CEP128: variants seen among roughly 807,000 people sequenced by gnomAD.
CEP128 encodes the protein centrosomal protein 128.
A neutral mutation model predicts 156.7 loss-of-function variants in CEP128; 132 were observed. The ratio of observed to expected loss-of-function variants is 0.84; its 90% CI spans 0.73 to 0.97. CEP128 has a LOEUF of 0.97. CEP128 is among the 50% of genes least tolerant of loss of function. The pLI is 0.00. For synonymous variants in CEP128, 469 were observed against 448.9 expected (o/e 1.04, Z -0.57); for missense variants, 1,252 against 1,281.9 (o/e 0.98, Z 0.36).
At chr14:80,653,687 C>T (rs185704765) in intron 19 of CEP128, among the ~76,000 whole-genome samples, 15 of 152,196 alleles carry the variant, frequency 9.9e-5, no homozygotes, top group Admixed American at 8.5e-4. Flanking sequence ...CAAAAATTAT[C>T]GGGCCCTTAA....
At chr14:80,581,396 A>G (rs1205194908) in intron 19 of CEP128, among the ~76,000 whole-genome samples, 2 of 152,208 alleles carry the variant, frequency 1.3e-5, no homozygotes, top group Non-Finnish European at 2.9e-5. Context: ...CAAATGTTTT[A>G]CCAAGTGCTA....
intron 18 of CEP128, among the ~76,000 whole-genome samples, chr14:80,756,030 A>T (rs964890259): frequency 9.9e-5 from 15 of 152,234 alleles, no homozygotes; most frequent in Non-Finnish European, 2.9e-5. Flanking sequence ...CTGTTCAGAA[A>T]TGATAAAGAT....
At chr14:80,955,507 CT>C in intron 2 of CEP128, 2 of 769,152 alleles carry the variant, frequency 2.6e-6, no homozygotes, top group South Asian at 1.6e-5. Context: ...TTAAGTGCCT[CT>C]TTTTCCCCTT....
At chr14:80,560,090 G>A (rs1407974025) in intron 20 of CEP128, among the ~76,000 whole-genome samples, 1 of 152,136 alleles carries the variant, frequency 6.6e-6, no homozygotes, top group Non-Finnish European at 1.5e-5. Context: ...CATCCTTTTT[G>A]AGGTGGACCA....
intron 16 of CEP128, among the ~76,000 whole-genome samples, chr14:80,764,250 G>C (rs1900119744): frequency 6.6e-6 from 1 of 152,118 alleles, no homozygotes; most frequent in Admixed American, 6.5e-5. Flanking sequence ...TGTAATCCCA[G>C]CACTTTGGGA....
intron 8 of CEP128, among the ~76,000 whole-genome samples, chr14:80,887,155 T>C (rs1479281210): frequency 1.3e-5 from 2 of 152,186 alleles, no homozygotes; most frequent in African/African-American, 4.8e-5. Flanking sequence ...ACAAAGAGAC[T>C]TGGATTCCCA....
chr14:80,905,927 T>A, intron 5 of CEP128, 28 bp downstream of exon 5: 2 of 1,603,636 alleles, frequency 1.2e-6, no homozygotes, highest in Non-Finnish European at 1.7e-6. Context: ...ATATTTTTAA[T>A]GTTTTTCAGA....
At chr14:80,870,027 C>A (rs181340374) in intron 8 of CEP128, among the ~76,000 whole-genome samples, 1 of 151,976 alleles carries the variant, frequency 6.6e-6, no homozygotes, top group African/African-American at 2.4e-5. Context: ...TAAAAACCTA[C>A]AACTTACCAA....
At chr14:80,615,475 C>T (rs1263717748) in intron 19 of CEP128, among the ~76,000 whole-genome samples, 1 of 152,136 alleles carries the variant, frequency 6.6e-6, no homozygotes, top group Non-Finnish European at 1.5e-5. Flanking sequence ...AGGATTGATG[C>T]AAATAGAACA....
At chr14:80,880,802 G>A (rs1293597571) in intron 8 of CEP128, among the ~76,000 whole-genome samples, 1 of 149,852 alleles carries the variant, frequency 6.7e-6, no homozygotes, top group East Asian at 1.9e-4. Flanking sequence ...GGTGGAGGTT[G>A]CAGTGAGTCA....
At chr14:80,951,599 T>A (rs1886466694) in intron 2 of CEP128, among the ~76,000 whole-genome samples, 1 of 152,064 alleles carries the variant, frequency 6.6e-6, no homozygotes. Context: ...AAAAGGAGAA[T>A]TGGATCAAAT....
At chr14:80,791,776 T>C (rs1320207553) in intron 14 of CEP128, among the ~76,000 whole-genome samples, 4 of 152,206 alleles carry the variant, frequency 2.6e-5, no homozygotes, top group Non-Finnish European at 5.9e-5. Context: ...ATCTTCTATA[T>C]GTCCGAGAAA....
At chr14:80,786,978 T>C (rs1901442983) in intron 14 of CEP128, among the ~76,000 whole-genome samples, 1 of 152,062 alleles carries the variant, frequency 6.6e-6, no homozygotes, top group African/African-American at 2.4e-5. Flanking sequence ...GAGAAGGAAC[T>C]CTGGAACACA....
intron 19 of CEP128, among the ~76,000 whole-genome samples, chr14:80,611,011 C>T (rs995866069): frequency 3.3e-5 from 5 of 151,484 alleles, no homozygotes; most frequent in Non-Finnish European, 7.4e-5. Flanking sequence ...TAAGTTATGC[C>T]TGGAAGGATA....
At chr14:80,801,310 G>A (rs959877420) in intron 13 of CEP128, among the ~76,000 whole-genome samples, 1 of 152,100 alleles carries the variant, frequency 6.6e-6, no homozygotes, top group Admixed American at 6.5e-5. Context: ...TCCTTGTCTT[G>A]TACCGGTTTT....
At chr14:80,554,665 T>C (rs1397929308) in intron 21 of CEP128, among the ~76,000 whole-genome samples, 1 of 152,098 alleles carries the variant, frequency 6.6e-6, no homozygotes, top group East Asian at 1.9e-4. Context: ...CTTTGTTATG[T>C]GGTTAAATTC....
intron 9 of CEP128, among the ~76,000 whole-genome samples, chr14:80,858,938 C>T (rs1161806122): frequency 6.6e-6 from 1 of 152,096 alleles, no homozygotes; most frequent in Non-Finnish European, 1.5e-5. Context: ...AACACTTTTA[C>T]ACTGTTGGTG....
chr14:80,508,275 C>T (rs959754015), intron 23 of CEP128, among the ~76,000 whole-genome samples: 4 of 152,138 alleles, frequency 2.6e-5, no homozygotes, highest in Non-Finnish European at 5.9e-5. Context: ...AAATATGGCA[C>T]TGACATATTT....
At position 80,940,033 on chromosome 14, in the gene CEP128, C is replaced by G. The variant is rs118002024; in HGVS notation, c.-171-493G>C. Among the ~76,000 whole-genome samples, 878 of 152,288 alleles carry G rather than the reference C, an allele frequency of 5.8e-3. 5 individuals are homozygous for G. The highest frequency in any genetic ancestry group is 5.6e-3 in the Non-Finnish European group (378 of 68,022). On this transcript the variant is annotated intron_variant, in intron 1 of 24. Coordinates refer to ENST00000555265, the MANE Select transcript of CEP128 (RefSeq NM_152446.5). Reference sequence around the variant, plus strand: ...AAATGCCTTTGGTTGTAGAAAAGAGCTGTGGACAGAAATATTTTCAATTAA... The same window carrying G: ...AAATGCCTTTGGTTGTAGAAAAGAGGTGTGGACAGAAATATTTTCAATTAA...
Sources: gnomAD v4.1 joint callset for allele counts (sites outside exome capture counted in the v4.1 genomes callset) on GRCh38, gnomAD v4.1.1 for gene constraint, MANE v1.5 for transcripts, NCBI Gene and HGNC (gene_info 2026-07-23, HGNC 2026-07-21) for gene names.